CUX1: variants seen among roughly 807,000 people sequenced by gnomAD.
CUX1 encodes protein CASP.
A neutral mutation model predicts 158.8 loss-of-function variants in CUX1; 31 were observed. The ratio of observed to expected loss-of-function variants is 0.20; its 90% confidence interval spans 0.15 to 0.26. The LOEUF (loss-of-function observed/expected upper bound fraction) is 0.26. CUX1 is among the 10% of genes least tolerant of loss of function. The pLI, the probability that CUX1 is intolerant of heterozygous loss-of-function variation, is 1.00. For synonymous variants in CUX1, 879 were observed against 862.1 expected, an observed-to-expected ratio of 1.02 and a Z score of -0.34; for missense variants, 1,589 against 2,014.6, an observed-to-expected ratio of 0.79 and a Z score of 4.04.
intron 1 of CUX1, among the ~76,000 whole-genome samples, chr7:101,866,138 A>G (rs925022548): frequency 6.6e-6 from 1 of 151,384 alleles, no homozygotes; most frequent in African/African-American, 2.4e-5. Context: ...CTGTTTGGGC[A>G]ACATAGTGAG....
intron 1 of CUX1, among the ~76,000 whole-genome samples, chr7:101,826,299 A>T (rs894327719): frequency 8.1e-4 from 123 of 152,070 alleles, no homozygotes; most frequent in African/African-American, 2.7e-3. Context: ...CCCGGGCTCA[A>T]GCAATCCTTC....
At chr7:102,235,787 C>T (rs1318827983) in intron 22 of CUX1, among the ~76,000 whole-genome samples, 1 of 144,574 alleles carries the variant, frequency 6.9e-6, no homozygotes, top group Non-Finnish European at 1.5e-5. Flanking sequence ...GCCACACACA[C>T]ACACACACAC....
At chr7:102,179,764 G>A (rs1269660501) in intron 11 of CUX1, among the ~76,000 whole-genome samples, 2 of 152,250 alleles carry the variant, frequency 1.3e-5, no homozygotes, top group Non-Finnish European at 2.9e-5. Flanking sequence ...TCTTGACAGC[G>A]AAGAAGGCAG....
chr7:101,898,772 G>A (rs1801825706), intron 1 of CUX1, among the ~76,000 whole-genome samples: 1 of 152,008 alleles, frequency 6.6e-6, no homozygotes, highest in South Asian at 2.1e-4. Flanking sequence ...TATATTTTTA[G>A]TAGAGACAGG....
At chr7:102,235,427 A>G (rs411691) in intron 22 of CUX1, among the ~76,000 whole-genome samples, 139,168 of 152,178 alleles carry the variant, frequency 0.91, 63,826 homozygotes, top group East Asian at 1. Flanking sequence ...GGGGCCGGGC[A>G]CAGTGGCTCA....
chr7:102,209,203 G>T (rs1003344826), intron 20 of CUX1, among the ~76,000 whole-genome samples: 1 of 152,090 alleles, frequency 6.6e-6, no homozygotes, highest in Non-Finnish European at 1.5e-5. Flanking sequence ...CTGTCCTTCC[G>T]TTTTCCTTAA....
intron 1 of CUX1, among the ~76,000 whole-genome samples, chr7:101,888,007 G>A (rs1234434467): frequency 2.0e-5 from 3 of 152,220 alleles, no homozygotes; most frequent in East Asian, 1.9e-4. Flanking sequence ...GGGATTTCCC[G>A]AATAAAGCTC....
chr7:101,969,982 CAAAA>C (rs34167642), intron 2 of CUX1, among the ~76,000 whole-genome samples: 1 of 55,658 alleles, frequency 1.8e-5, no homozygotes. Context: ...GAGTTAGCAC[CAAAA>C]AAAAAAAAAA....
chr7:101,898,015 G>C (rs1027309845), intron 1 of CUX1, among the ~76,000 whole-genome samples: 8 of 152,192 alleles, frequency 5.3e-5, no homozygotes, highest in Non-Finnish European at 1.0e-4. Flanking sequence ...CCGGTACCCC[G>C]GTGGGCCTTT....
chr7:102,239,371 C>G lies in CUX1; in HGVS notation c.3674C>G (p.Pro1225Arg). Residue 1225 changes from proline (P) to arginine (R), a missense_variant, in exon 23 of 24, where the codon CCG (proline) becomes CGG (arginine). Transcript: ENST00000292535. ...SSVSDSQPCE[P>R]PSVGTEYSQG... ...GTCAGTGACAGCCAGCCCTGCGAAC[C>G]GCCCTCTGTCGGCACCGAGTACAGC... The G allele has an allele frequency of 6.2e-7, 1 of 1,612,624 alleles. No individual in the cohort carries two copies. Among genetic ancestry groups the G allele is most frequent in the Non-Finnish European group, 8.5e-7 (1 of 1,179,606 alleles).
At chr7:101,880,302 C>T (rs1799581408) in intron 1 of CUX1, among the ~76,000 whole-genome samples, 1 of 152,158 alleles carries the variant, frequency 6.6e-6, no homozygotes, top group East Asian at 1.9e-4. Context: ...CGGAAGTTCA[C>T]GTTCTTGAGA....
Position 102,283,030 on chromosome 7 carries a change from C to T in CUX1, c.1977C>T (p.Asp659=), listed in dbSNP as rs1425695696. The stretch of plus-strand genomic sequence containing the variant: ...TTCCCGTGTCCCCCAGGTTCGCTGA[C>T]CACCTGCACAAGTTCCACGAGAATG... The change falls in exon 23 of 23, where the codon GAC becomes GAT. Residue 659 remains aspartate, a synonymous_variant. Coordinates refer to the CUX1 transcript ENST00000292538. The T allele has an allele frequency of 4.3e-6, 7 of 1,613,108 alleles. No individual in the cohort carries two copies. The African/African-American group carries it at 8.0e-5, about 19-fold the overall frequency.
chr7:102,221,888 A>C (rs1797841248), intron 20 of CUX1, among the ~76,000 whole-genome samples: 1 of 152,130 alleles, frequency 6.6e-6, no homozygotes, highest in Admixed American at 6.6e-5. Flanking sequence ...CTGGTCCTGC[A>C]GGCTGCAGGG....
At chr7:102,123,188 G>A (rs1404154817) in intron 8 of CUX1, among the ~76,000 whole-genome samples, 4 of 151,818 alleles carry the variant, frequency 2.6e-5, no homozygotes, top group African/African-American at 7.3e-5. Flanking sequence ...CTGAGATCGC[G>A]CCACTACACT....
chr7:101,875,926 A>G (rs759253424), intron 1 of CUX1, among the ~76,000 whole-genome samples: 2 of 152,192 alleles, frequency 1.3e-5, no homozygotes, highest in African/African-American at 4.8e-5. Flanking sequence ...ATTATGGTGA[A>G]GGGAGTAAAG....
intron 2 of CUX1, among the ~76,000 whole-genome samples, chr7:101,930,748 T>C (rs1041934410): frequency 2.0e-5 from 3 of 152,162 alleles, no homozygotes; most frequent in Non-Finnish European, 1.5e-5. Flanking sequence ...ACTTGGCCAC[T>C]TAATGAATGC....
At chr7:102,231,099 G>A (rs1270534879) in intron 21 of CUX1, among the ~76,000 whole-genome samples, 6 of 143,912 alleles carry the variant, frequency 4.2e-5, no homozygotes, top group African/African-American at 7.8e-5. Context: ...GCGCGATCTC[G>A]GCTTACTGCA....
At chr7:102,160,252 C>T (rs1554506652) in intron 9 of CUX1, among the ~76,000 whole-genome samples, 2 of 152,098 alleles carry the variant, frequency 1.3e-5, no homozygotes, top group Admixed American at 1.3e-4. Flanking sequence ...CAAGTTTCCA[C>T]CGACTCCACC....
At chr7:102,026,800 A>C (rs1680111259) in intron 2 of CUX1, among the ~76,000 whole-genome samples, 1 of 144,720 alleles carries the variant, frequency 6.9e-6, no homozygotes, top group African/African-American at 2.6e-5. Context: ...AGCCTAGGCA[A>C]CAGTGAGACT....
Sources: allele counts gnomAD v4.1 joint callset (sites outside exome capture counted in the v4.1 genomes callset), GRCh38; gene constraint gnomAD v4.1.1; transcripts MANE v1.5; gene names NCBI Gene and HGNC (gene_info 2026-07-23, HGNC 2026-07-21).